The following COL23A1 variants were observed in gnomAD, a reference collection of about 807,000 sequenced individuals.
COL23A1 encodes collagen alpha-1(XXIII) chain.
COL23A1 carries 97 observed loss-of-function variants against 99.3 expected under a neutral mutation model. The ratio of observed to expected loss-of-function variants is 0.98; its 90% confidence interval spans 0.83 to 1.16. COL23A1 has a LOEUF of 1.16. Among genes scored for constraint, COL23A1 ranks in the 50% most tolerant of loss-of-function variants. COL23A1 has a pLI of 0.00. For missense variants in COL23A1, 762 were observed against 757.4 expected, an observed-to-expected ratio of 1.01 and a Z score of -0.07; for synonymous variants, 320 against 308.2, an observed-to-expected ratio of 1.04 and a Z score of -0.40.
chr5:178,534,139 G>A (rs116335392), intron 2 of COL23A1, among the ~76,000 whole-genome samples: 8,202 of 152,238 alleles, frequency 0.054, 226 homozygotes, highest in Non-Finnish European at 0.063. Flanking sequence ...GCTTATAAAT[G>A]TTTATTTCTT....
intron 2 of COL23A1, among the ~76,000 whole-genome samples, chr5:178,521,965 C>A (rs1034393693): frequency 2.0e-5 from 3 of 152,066 alleles, no homozygotes; most frequent in Non-Finnish European, 4.4e-5. Flanking sequence ...GTAATTCATG[C>A]CACCAAATTG....
intron 5 of COL23A1, among the ~76,000 whole-genome samples, chr5:178,286,995 C>T (rs1353613735): frequency 1.3e-5 from 2 of 152,146 alleles, no homozygotes; most frequent in African/African-American, 2.4e-5. Context: ...TGTTAGTCTC[C>T]GGTCCTCCCG....
chr5:178,262,294 T>C, intron 9 of COL23A1, 42 bp from the exon 10 acceptor site: 1 of 1,561,722 alleles, frequency 6.4e-7, no homozygotes, highest in Non-Finnish European at 8.7e-7. Context: ...ATGCAGGATG[T>C]CACATTGAAC....
chr5:178,436,602 G>C (rs1766577088), intron 2 of COL23A1, among the ~76,000 whole-genome samples: 1 of 152,216 alleles, frequency 6.6e-6, no homozygotes, highest in South Asian at 2.1e-4. Flanking sequence ...AAGAGCTCCA[G>C]AATGCTGAGC....
In COL23A1 at chr5:178,308,808, G is replaced by C. The variant is rs374220835; in HGVS notation, c.362-1889C>G. ...GGTTATTAACTAAGCCCCAGGTTTG[G>C]GGGGCAGGTCAGCACTCTCGGGGGG... On this transcript the variant is annotated intron_variant, in intron 2 of 28. Coordinates refer to ENST00000390654, the MANE Select transcript of COL23A1 (RefSeq NM_173465.4). This position sits in a 1 kb window ranked among gnomAD's most constrained non-coding sequence, Gnocchi z 5.1. 9.5e-5 allele frequency among the ~76,000 whole-genome samples: 13 copies of C among 137,194 alleles called. No individual in the cohort carries two copies. Among genetic ancestry groups the C allele is most frequent in the Admixed American group, 2.2e-4 (3 of 13,574 alleles). The allele number at this position is 137,194 out of a possible 152,430, so 90.0% of individuals were successfully genotyped here.
At chr5:178,586,212 A>G (rs1191399714) in intron 1 of COL23A1, among the ~76,000 whole-genome samples, 1 of 152,208 alleles carries the variant, frequency 6.6e-6, no homozygotes, top group East Asian at 1.9e-4. Context: ...AAGAAAGGAC[A>G]CTCAGATATT....
intron 2 of COL23A1, among the ~76,000 whole-genome samples, chr5:178,502,102 T>C (rs1277588172): frequency 6.6e-6 from 1 of 152,216 alleles, no homozygotes; most frequent in Non-Finnish European, 1.5e-5. Flanking sequence ...GTACTTAAAA[T>C]CATTTTCACA....
chr5:178,538,899 A>C (rs894105023), intron 2 of COL23A1, among the ~76,000 whole-genome samples: 3 of 152,270 alleles, frequency 2.0e-5, no homozygotes, highest in African/African-American at 7.2e-5. Flanking sequence ...CCATAAAAAA[A>C]GAATCAAGTA....
chr5:178,584,343 C>CACACA, intron 1 of COL23A1, among the ~76,000 whole-genome samples: 2 of 148,244 alleles, frequency 1.3e-5, no homozygotes, highest in Admixed American at 6.7e-5. Context: ...CACACACACA[C>CACACA]CTAGAAATAA....
At position 178,308,379 on chromosome 5, in the gene COL23A1, T is replaced by C. The variant is rs1440869352; in HGVS notation, c.362-1460A>G. Reference sequence around the variant, plus strand: ...ACTTAAAAATGAAAAACATGTTACTTCTTGCTCCCCTGAGTTTTAAGGGCA... The same window carrying C: ...ACTTAAAAATGAAAAACATGTTACTCCTTGCTCCCCTGAGTTTTAAGGGCA... On this transcript the variant is annotated intron_variant, in intron 2 of 28. Coordinates refer to ENST00000390654, the MANE Select transcript of COL23A1 (RefSeq NM_173465.4). The surrounding 1 kb of genome is among the most constrained non-coding windows in gnomAD (Gnocchi z 5.1). Among the ~76,000 whole-genome samples, 1 of 152,160 alleles carries C rather than the reference T, an allele frequency of 6.6e-6. No homozygotes were observed.
intron 2 of COL23A1, among the ~76,000 whole-genome samples, chr5:178,356,894 C>T (rs567924761): frequency 1.1e-4 from 16 of 152,144 alleles, no homozygotes; most frequent in Non-Finnish European, 1.8e-4. Flanking sequence ...CTGAGCCTCT[C>T]CAACCCAGCA....
chr5:178,504,311 A>G (rs565987980), intron 2 of COL23A1, among the ~76,000 whole-genome samples: 3 of 152,270 alleles, frequency 2.0e-5, no homozygotes, highest in Non-Finnish European at 2.9e-5. Flanking sequence ...TAAAATGCCA[A>G]TTAAAAAAAA....
At chr5:178,526,939 C>T (rs761297723) in intron 2 of COL23A1, among the ~76,000 whole-genome samples, 1 of 152,198 alleles carries the variant, frequency 6.6e-6, no homozygotes, top group Non-Finnish European at 1.5e-5. Flanking sequence ...CGCTGCCTTC[C>T]AAAAAGACGG....
chr5:178,253,369 C>G (rs1018051244), intron 16 of COL23A1, among the ~76,000 whole-genome samples: 1 of 152,050 alleles, frequency 6.6e-6, no homozygotes, highest in Non-Finnish European at 1.5e-5. Context: ...TCCCCCAGGC[C>G]CAGGCCCAGG....
intron 2 of COL23A1, among the ~76,000 whole-genome samples, chr5:178,464,606 A>G (rs1364385162): frequency 2.6e-5 from 4 of 152,218 alleles, no homozygotes; most frequent in Non-Finnish European, 4.4e-5. Flanking sequence ...GCCGTCACTC[A>G]GCCCTGACGT....
intron 2 of COL23A1, among the ~76,000 whole-genome samples, chr5:178,505,664 G>C (rs1758825854): frequency 6.6e-6 from 1 of 152,150 alleles, no homozygotes; most frequent in Admixed American, 6.5e-5. Flanking sequence ...GGTCACATTT[G>C]CAGGTACCAG....
chr5:178,393,637 C>G (rs976400355), intron 2 of COL23A1, among the ~76,000 whole-genome samples: 8 of 149,758 alleles, frequency 5.3e-5, no homozygotes, highest in African/African-American at 1.8e-4. Flanking sequence ...AATCAAGACT[C>G]TCTTCCCTCT....
Position 178,542,651 on chromosome 5 carries a change from G to GA in COL23A1, c.361+18030dup, listed in dbSNP as rs932540950. ...GGAAGAGGTCCAGGAAGGCAGGGAA[G>GA]AAAAAATACCAGAGCTCTAGACAGA... is the stretch of plus-strand genomic sequence containing the variant. On this transcript the variant is annotated intron_variant, in intron 2 of 28. Transcript: ENST00000390654. Among the ~76,000 whole-genome samples, 7 of 146,170 alleles carry GA rather than the reference G, an allele frequency of 4.8e-5. No homozygotes were observed. In the South Asian group the frequency reaches 9.5e-4, roughly 20 times the overall value.
At chr5:178,268,647 C>A in intron 7 of COL23A1, 83 bp downstream of exon 7, 2 of 1,467,158 alleles carry the variant, frequency 1.4e-6, no homozygotes, top group South Asian at 2.6e-5. Flanking sequence ...TGCTCAAGGG[C>A]ACACTGGAAC....
Sources: gnomAD v4.1 joint callset for allele counts (sites outside exome capture counted in the v4.1 genomes callset) on GRCh38, gnomAD v4.1.1 for gene constraint, Gnocchi (gnomAD v3.1) non-coding constraint, MANE v1.5 for transcripts, NCBI Gene and HGNC (gene_info 2026-07-23, HGNC 2026-07-21) for gene names.